Variants in ASCC3 observed in about 807,000 individuals in gnomAD.
ASCC3 encodes activating signal cointegrator 1 complex subunit 3, also known as ASC-1 complex subunit P200.
In ASCC3, 158 loss-of-function variants were observed where a neutral mutation model predicts 256.3. The ratio of observed to expected loss-of-function variants is 0.62; its 90% CI spans 0.54 to 0.70. The LOEUF (loss-of-function observed/expected upper bound fraction) is 0.70, where lower values mean the gene tolerates loss of function less well. Among genes scored for constraint, ASCC3 ranks in the 30% least tolerant of loss-of-function variants. ASCC3 has a pLI of 0.00. For missense variants in ASCC3, 2,259 were observed against 2,626.0 expected (o/e 0.86, Z 3.05); for synonymous variants, 948 against 883.4 (o/e 1.07, Z -1.30).
At chr6:100,556,767 G>C (rs981641467) in intron 36 of ASCC3, among the ~76,000 whole-genome samples, 1 of 152,062 alleles carries the variant, frequency 6.6e-6, no homozygotes, top group East Asian at 1.9e-4. Context: ...GATCACTCAG[G>C]AGACTGTCAG....
chr6:100,590,143 A>T, intron 34 of ASCC3, 84 bp from the exon 35 acceptor site: 1 of 888,786 alleles, frequency 1.1e-6, no homozygotes, highest in Non-Finnish European at 1.8e-6. Flanking sequence ...AATATATATA[A>T]ATATAATCCC....
chr6:100,590,308 C>T (rs1771936674), intron 34 of ASCC3, among the ~76,000 whole-genome samples: 1 of 152,026 alleles, frequency 6.6e-6, no homozygotes, highest in African/African-American at 2.4e-5. Context: ...GGGACATCAT[C>T]AGGGTAAAAA....
chr6:100,796,369 T>C (rs1769614165), intron 8 of ASCC3, among the ~76,000 whole-genome samples: 1 of 152,130 alleles, frequency 6.6e-6, no homozygotes, highest in Non-Finnish European at 1.5e-5. Context: ...TGAAAACTTA[T>C]ATTCACACAA....
At chr6:100,834,115 C>G (rs1771762515) in intron 4 of ASCC3, among the ~76,000 whole-genome samples, 1 of 151,982 alleles carries the variant, frequency 6.6e-6, no homozygotes, top group Non-Finnish European at 1.5e-5. Context: ...AGATGCTTAT[C>G]AAATCTTTGT....
chr6:100,837,980 T>C (rs1771959468), intron 4 of ASCC3, among the ~76,000 whole-genome samples: 1 of 152,050 alleles, frequency 6.6e-6, no homozygotes, highest in African/African-American at 2.4e-5. Flanking sequence ...TATTGAAACA[T>C]CACACTAGAC....
At chr6:100,864,903 A>C (rs1282894647) in intron 2 of ASCC3, among the ~76,000 whole-genome samples, 1 of 152,222 alleles carries the variant, frequency 6.6e-6, no homozygotes, top group Non-Finnish European at 1.5e-5. Flanking sequence ...AGAACTGACC[A>C]CAGAACACAA....
At chr6:100,653,264 A>G (rs1775757616) in intron 17 of ASCC3, among the ~76,000 whole-genome samples, 1 of 152,164 alleles carries the variant, frequency 6.6e-6, no homozygotes, top group Non-Finnish European at 1.5e-5. Flanking sequence ...TTGTCAAATC[A>G]TATTCCTACT....
chr6:100,861,581 CT>C (rs1297885486), intron 3 of ASCC3, among the ~76,000 whole-genome samples: 5 of 152,080 alleles, frequency 3.3e-5, no homozygotes, highest in Non-Finnish European at 7.4e-5. Flanking sequence ...CAGCTGACTA[CT>C]ACTCAACTTA....
chr6:100,826,022 T>C (rs1269202370), intron 4 of ASCC3, among the ~76,000 whole-genome samples: 2 of 152,004 alleles, frequency 1.3e-5, no homozygotes, highest in Non-Finnish European at 1.5e-5. Flanking sequence ...CACAAAATGG[T>C]AATGACAACA....
intron 23 of ASCC3, among the ~76,000 whole-genome samples, chr6:100,643,195 C>T (rs1775213467): frequency 2.6e-5 from 4 of 152,058 alleles, no homozygotes; most frequent in East Asian, 1.9e-4. Context: ...GAATACAAAA[C>T]GCTGCTATGA....
At chr6:100,835,524 C>T (rs1771833097) in intron 4 of ASCC3, among the ~76,000 whole-genome samples, 1 of 152,126 alleles carries the variant, frequency 6.6e-6, no homozygotes, top group South Asian at 2.1e-4. Flanking sequence ...TTATTGAAGA[C>T]ACTGTCCTTT....
intron 39 of ASCC3, among the ~76,000 whole-genome samples, chr6:100,513,514 C>T (rs1353453878): frequency 6.6e-6 from 1 of 152,104 alleles, no homozygotes; most frequent in African/African-American, 2.4e-5. Context: ...TAGAATCCTC[C>T]ACTGACCACT....
intron 10 of ASCC3, among the ~76,000 whole-genome samples, chr6:100,755,717 T>C (rs1459384298): frequency 1.3e-5 from 2 of 152,106 alleles, no homozygotes; most frequent in Non-Finnish European, 2.9e-5. Flanking sequence ...ATTTCTATTA[T>C]TTTCATTTTC....
At chr6:100,664,906 G>T (rs1265148897) in intron 14 of ASCC3, among the ~76,000 whole-genome samples, 1 of 152,098 alleles carries the variant, frequency 6.6e-6, no homozygotes, top group Non-Finnish European at 1.5e-5. Context: ...AAATCATATT[G>T]CTGGATTGCT....
intron 4 of ASCC3, among the ~76,000 whole-genome samples, chr6:100,838,871 C>CAT (rs952009888): frequency 2.0e-5 from 3 of 151,820 alleles, no homozygotes; most frequent in Non-Finnish European, 2.9e-5. Context: ...CATGCATACA[C>CAT]ATATATATAT....
Position 100,652,799 on chromosome 6 carries a change from G to A in ASCC3, c.2914C>T (p.Arg972Ter), listed in dbSNP as rs140730078. 12 of 1,613,652 alleles carry A rather than the reference G, an allele frequency of 7.4e-6. No homozygotes were observed. The highest frequency in any genetic ancestry group is 1.0e-5 in the Non-Finnish European group (12 of 1,179,896). The change falls in exon 18 of 42, where the codon CGA (arginine) becomes TGA (stop). Residue 972 changes from arginine to a stop codon, truncating the protein, a stop_gained. Coordinates refer to ENST00000369162, the MANE Select transcript of ASCC3 (RefSeq NM_006828.4). LOFTEE classifies it high-confidence loss of function. ...DKAQMIRFEERTGYFSSTDLG... is the reference protein window; with the variant it reads ...DKAQMIRFEE ...TCAGTTGAGGAAAAATATCCAGTTC[G>A]CTCCTCAAAACGAATCATCTGAGCT...
chr6:100,658,370 G>C (rs1045670756), intron 16 of ASCC3, among the ~76,000 whole-genome samples: 1 of 151,172 alleles, frequency 6.6e-6, no homozygotes. Context: ...TTGTTTATTT[G>C]AATATGTATT....
intron 4 of ASCC3, among the ~76,000 whole-genome samples, chr6:100,842,251 C>T (rs1478315487): frequency 6.6e-6 from 1 of 151,934 alleles, no homozygotes; most frequent in Admixed American, 6.6e-5. Flanking sequence ...TTTTAAATAC[C>T]CTATTCTAGT....
intron 30 of ASCC3, among the ~76,000 whole-genome samples, chr6:100,610,924 C>T (rs56332765): frequency 2.4e-4 from 36 of 152,228 alleles, no homozygotes; most frequent in Non-Finnish European, 4.4e-4. Flanking sequence ...TCACTGGTGT[C>T]CTTGTTCTAA....
Sources: gnomAD v4.1 joint callset for allele counts (sites outside exome capture counted in the v4.1 genomes callset) on GRCh38, gnomAD v4.1.1 for gene constraint, MANE v1.5 for transcripts, NCBI Gene and HGNC (gene_info 2026-07-23, HGNC 2026-07-21) for gene names.